UQCRB: variants seen among roughly 807,000 people sequenced by gnomAD.
UQCRB encodes the protein ubiquinol-cytochrome c reductase binding protein.
A neutral mutation model predicts 19.8 loss-of-function variants in UQCRB; 12 were observed. The ratio of observed to expected loss-of-function variants is 0.61; its 90% confidence interval spans 0.39 to 0.98. The LOEUF (loss-of-function observed/expected upper bound fraction) is 0.98. Ranked by LOEUF, UQCRB falls within the 50% of genes least tolerant of loss-of-function variation. The probability of loss-of-function intolerance (pLI) is 0.00; values close to 1 mark genes in which losing one functional copy is unlikely to be tolerated. For synonymous variants in UQCRB, 39 were observed against 42.9 expected, an observed-to-expected ratio of 0.91 and a Z score of 0.35; for missense variants, 142 against 131.8, an observed-to-expected ratio of 1.08 and a Z score of -0.38.
chr8:96,235,276 C>A (rs762373213), intron 1 of UQCRB: 3 of 623,928 alleles, frequency 4.8e-6, no homozygotes, highest in Non-Finnish European at 8.5e-6. Context: ...GCTGTCAGAG[C>A]CACCGCGGGC....
In UQCRB at chr8:96,226,539, G is replaced by A. The variant is rs888811858; in HGVS notation, c.*4516C>T. 2 of 222,980 alleles carry A rather than the reference G, an allele frequency of 9.0e-6. No homozygotes were observed. Among genetic ancestry groups the A allele is most frequent in the African/African-American group, 4.8e-5 (2 of 41,954 alleles). 13.8% of individuals were successfully genotyped at this position (222,980 alleles called of 1,614,324 possible). On this transcript the variant is annotated 3_prime_UTR_variant, in exon 4 of 4. Transcript: ENST00000287022. ...CCACATTTTAAATGCATGCATAAGA[G>A]AAAAATTGTAAGCTGACTCCTTTGT...
Position 96,227,429 on chromosome 8 carries a change from T to G in UQCRB, c.*3626A>C. 1 of 454,092 alleles carries G rather than the reference T, an allele frequency of 2.2e-6. No individual in the cohort carries two copies. Among genetic ancestry groups the G allele is most frequent in the Non-Finnish European group, 4.4e-6 (1 of 226,790 alleles). The allele number at this position is 454,092 out of a possible 1,614,324, so 28.1% of individuals were successfully genotyped here. On this transcript the variant is annotated 3_prime_UTR_variant, in exon 4 of 4. Transcript: ENST00000287022. Reference sequence around the variant, plus strand: ...GGGCATCGCCACCTAGTGGCAGAATTTCATGCCTTGTTCTAATAAAGGGAT... The same window carrying G: ...GGGCATCGCCACCTAGTGGCAGAATGTCATGCCTTGTTCTAATAAAGGGAT...
intron 2 of UQCRB, 95 bp downstream of exon 2, chr8:96,233,061 G>T (rs1586155269): frequency 8.4e-7 from 1 of 1,188,878 alleles, no homozygotes; most frequent in Admixed American, 1.9e-5. Flanking sequence ...TGGAACCACA[G>T]TAACACTTGC....
Position 96,232,981 on chromosome 8 carries a change from G to C in UQCRB, c.91+175C>G, listed in dbSNP as rs903050172. On this transcript the variant is annotated intron_variant, in intron 2 of 3. Transcript: ENST00000287022. Reference sequence around the variant, plus strand: ...TCTTCTCTCAAAAAAACTTTAAAAAGGAACTGGATTTAACATAATGTGATT... The same window carrying C: ...TCTTCTCTCAAAAAAACTTTAAAAACGAACTGGATTTAACATAATGTGATT... 3 of 616,954 alleles carry C rather than the reference G, an allele frequency of 4.9e-6. No individual in the cohort carries two copies. The African/African-American group carries it at 5.6e-5, about 12-fold the overall frequency. 38.2% of individuals were successfully genotyped at this position (616,954 alleles called of 1,614,324 possible).
At position 96,224,860 on chromosome 8, in the gene UQCRB, CA is replaced by C. The variant is rs751368835; in HGVS notation, c.*6194del. Among the ~76,000 whole-genome samples the C allele has an allele frequency of 6.6e-6, 1 of 152,180 alleles. No individual in the cohort carries two copies. Among genetic ancestry groups the C allele is most frequent in the Non-Finnish European group, 1.5e-5 (1 of 68,038 alleles). Reference sequence around the variant, plus strand: ...GAGAGGACTTCTCAAAGCATGACCTCAGAGGCAAAACCACAGAGGAGAGGAC... The same window carrying C: ...GAGAGGACTTCTCAAAGCATGACCTCGAGGCAAAACCACAGAGGAGAGGAC... On this transcript the variant is annotated 3_prime_UTR_variant, in exon 4 of 4. Coordinates refer to ENST00000287022, the MANE Select transcript of UQCRB (RefSeq NM_006294.5).
rs1809632104 is a variant in UQCRB at position 96,230,239 on chromosome 8, C to T, written c.*816G>A. On this transcript the variant is annotated 3_prime_UTR_variant, in exon 4 of 4. Transcript: ENST00000287022. Reference sequence around the variant, plus strand: ...TACAGGTGCCTACCATCACGCCTAGCTAATTTTTTGTATTTTTAGTAGAGA... The same window carrying T: ...TACAGGTGCCTACCATCACGCCTAGTTAATTTTTTGTATTTTTAGTAGAGA... 4 of 428,070 alleles carry T rather than the reference C, an allele frequency of 9.3e-6. No homozygotes were observed. The highest frequency in any genetic ancestry group is 6.6e-5 in the South Asian group (4 of 60,318). 26.5% of individuals were successfully genotyped at this position (428,070 alleles called of 1,614,324 possible).
At chr8:96,233,541 G>A in intron 1 of UQCRB, 1 of 308,660 alleles carries the variant, frequency 3.2e-6, no homozygotes, top group Non-Finnish European at 6.1e-6. Context: ...AGATCCATAG[G>A]TACATCGTGT....
chr8:96,235,539 G>T lies in UQCRB; in HGVS notation c.-9C>A. The stretch of plus-strand genomic sequence containing the variant: ...GCCTGCTTACCAGCCATTTTGACCA[G>T]AAAGAGAAGCGTTGCCTTCTGGGTA... On this transcript the variant is annotated 5_prime_UTR_variant, in exon 1 of 4. It adds an upstream start codon to the 5' untranslated region. Transcript: ENST00000287022. 1 of 1,614,256 alleles carries T rather than the reference G, an allele frequency of 6.2e-7. No individual in the cohort carries two copies.
At position 96,231,884 on chromosome 8, in the gene UQCRB, T is replaced by C. The variant is rs1809685096; in HGVS notation, c.148A>G (p.Arg50Gly). 10 of 1,613,956 alleles carry C rather than the reference T, an allele frequency of 6.2e-6. No individual in the cohort carries two copies. The highest frequency in any genetic ancestry group is 6.8e-6 in the Non-Finnish European group (8 of 1,180,034). The change falls in exon 3 of 4, where the codon AGA becomes GGA. Residue 50 changes from arginine (R) to glycine (G), a missense_variant. By Grantham distance (125) the Arg-to-Gly change is moderately radical. Coordinates refer to ENST00000287022, the MANE Select transcript of UQCRB (RefSeq NM_006294.5). ...EDEDVKEAIR[R>G]LPENLYNDRM... is the part of the protein sequence containing the mutation. ...TCATTATAAAGGTTCTCAGGAAGTC[T>C]TCTTATGGCTTCTTTTACATCTTCA...
chr8:96,225,933 C>T lies in UQCRB; in HGVS notation c.*5122G>A, dbSNP rs1280510431. The T allele has an allele frequency of 6.6e-6, 1 of 152,088 alleles. No individual in the cohort carries two copies. The highest frequency in any genetic ancestry group is 1.5e-5 in the Non-Finnish European group (1 of 68,020). 9.4% of individuals were successfully genotyped at this position (152,088 alleles called of 1,614,324 possible). A position where few individuals can be genotyped will look rare whatever the true frequency, so the allele number is the denominator to read the frequency against. On this transcript the variant is annotated 3_prime_UTR_variant, in exon 4 of 4. Transcript: ENST00000287022. ...TTAGCTGGGAGCAATTCTGCTCCCCCAGGGGAACATTTCCAGACAATGTCT... is the reference window on the plus strand; with the variant it reads ...TTAGCTGGGAGCAATTCTGCTCCCCTAGGGGAACATTTCCAGACAATGTCT...
In UQCRB at chr8:96,227,928, C is replaced by T. The variant is rs1475622807; in HGVS notation, c.*3127G>A. On this transcript the variant is annotated 3_prime_UTR_variant, in exon 4 of 4. Transcript: ENST00000287022. ...CCATCACTAACATTTTGGTACCACTCGTAGAGCGTCACATAAATATTCAGA... is the reference window on the plus strand; with the variant it reads ...CCATCACTAACATTTTGGTACCACTTGTAGAGCGTCACATAAATATTCAGA... 10 of 454,006 alleles carry T rather than the reference C, an allele frequency of 2.2e-5. No individual in the cohort carries two copies. The highest frequency in any genetic ancestry group is 1.6e-4 in the Admixed American group (7 of 42,556). 28.1% of individuals were successfully genotyped at this position (454,006 alleles called of 1,614,324 possible). A position where few individuals can be genotyped will look rare whatever the true frequency, so the allele number is the denominator to read the frequency against.
chr8:96,230,434 CTAG>C lies in UQCRB; in HGVS notation c.*618_*620del, dbSNP rs950936908. Reference sequence around the variant, plus strand: ...CTATAATCTTAAAACTTTTAACTGACTAGTATCCAACCCTTAAACTTCATAACA... The same window carrying C: ...CTATAATCTTAAAACTTTTAACTGACTATCCAACCCTTAAACTTCATAACA... On this transcript the variant is annotated 3_prime_UTR_variant, in exon 4 of 4. Coordinates refer to ENST00000287022, the MANE Select transcript of UQCRB (RefSeq NM_006294.5). 2.2e-5 allele frequency: 10 copies of C among 453,280 alleles called. No individual in the cohort carries two copies. Among genetic ancestry groups the C allele is most frequent in the African/African-American group, 2.0e-4 (10 of 50,054 alleles). The allele number at this position is 453,280 out of a possible 1,614,324, so 28.1% of individuals were successfully genotyped here.
At chr8:96,231,987 CG>C in intron 2 of UQCRB, 47 bp from the exon 3 acceptor site, 3 of 1,602,550 alleles carry the variant, frequency 1.9e-6, no homozygotes, top group Non-Finnish European at 2.6e-6. Context: ...TCAAAAATCG[CG>C]GTTTTTTTAA....
In UQCRB at chr8:96,228,232, T is replaced by C. The variant is rs1348017369; in HGVS notation, c.*2823A>G. 2 of 453,978 alleles carry C rather than the reference T, an allele frequency of 4.4e-6. No individual in the cohort carries two copies. The highest frequency in any genetic ancestry group is 6.9e-5 in the East Asian group (1 of 14,402). 28.1% of individuals were successfully genotyped at this position (453,978 alleles called of 1,614,324 possible). ...CTTCAAGATGTAGGAAAACTGTATA[T>C]TCAAAACCAATCTCAAACTTTAAAC... On this transcript the variant is annotated 3_prime_UTR_variant, in exon 4 of 4. Coordinates refer to ENST00000287022, the MANE Select transcript of UQCRB (RefSeq NM_006294.5).
At position 96,229,785 on chromosome 8, in the gene UQCRB, G is replaced by C. The variant is rs1809616390; in HGVS notation, c.*1270C>G. 4.4e-6 allele frequency: 2 copies of C among 453,672 alleles called. No homozygotes were observed. The highest frequency in any genetic ancestry group is 8.8e-6 in the Non-Finnish European group (2 of 226,708). The allele number at this position is 453,672 out of a possible 1,614,324, so 28.1% of individuals were successfully genotyped here. A position where few individuals can be genotyped will look rare whatever the true frequency, so the allele number is the denominator to read the frequency against. Reference sequence around the variant, plus strand: ...CGAAAGGAAAAAAAAAAGCGGGGGAGGGGGTTCCTAGAGAATTTAAGAGGC... The same window carrying C: ...CGAAAGGAAAAAAAAAAGCGGGGGACGGGGTTCCTAGAGAATTTAAGAGGC... On this transcript the variant is annotated 3_prime_UTR_variant, in exon 4 of 4. Transcript: ENST00000287022.
At position 96,230,409 on chromosome 8, in the gene UQCRB, C is replaced by G. The variant is rs1272450282; in HGVS notation, c.*646G>C. On this transcript the variant is annotated 3_prime_UTR_variant, in exon 4 of 4. Transcript: ENST00000287022. ...CTAATTTATATTTTTAAAAATTACC[C>G]TATAATCTTAAAACTTTTAACTGAC... 4.5e-6 allele frequency: 2 copies of G among 448,050 alleles called. No homozygotes were observed. The highest frequency in any genetic ancestry group is 8.9e-6 in the Non-Finnish European group (2 of 225,172). The allele number at this position is 448,050 out of a possible 1,614,324, so 27.8% of individuals were successfully genotyped here. A position where few individuals can be genotyped will look rare whatever the true frequency, so the allele number is the denominator to read the frequency against.
rs747018908 is a variant in UQCRB at position 96,231,930 on chromosome 8, T to G, written c.102A>C (p.Arg34=). 2 of 1,613,308 alleles carry G rather than the reference T, an allele frequency of 1.2e-6. No individual in the cohort carries two copies. Among genetic ancestry groups the G allele is most frequent in the South Asian group, 2.2e-5 (2 of 91,086 alleles). The change falls in exon 3 of 4, where the codon CGA becomes CGC. Residue 34 remains arginine, a synonymous_variant. Transcript: ENST00000287022. ...AAGFNKLGLM[R]DDTIYEDEDV... Reference sequence around the variant, plus strand: ...CTTCATCCTCGTATATTGTATCATCTCGCATTAACCCTATGATAGATGACA... The same window carrying G: ...CTTCATCCTCGTATATTGTATCATCGCGCATTAACCCTATGATAGATGACA...
rs1447369678 is a variant in UQCRB, at chr8:96,228,965, C to T, written c.*2090G>A. On this transcript the variant is annotated 3_prime_UTR_variant, in exon 4 of 4. Transcript: ENST00000287022. ...TTGATAATAGAAAGGCCCTCTCTTT[C>T]AAATGAAAGGACTTCACTGATGGAT... 4.4e-6 allele frequency: 2 copies of T among 453,970 alleles called. No homozygotes were observed. The highest frequency in any genetic ancestry group is 4.7e-5 in the Admixed American group (2 of 42,552). The allele number at this position is 453,970 out of a possible 1,614,324, so 28.1% of individuals were successfully genotyped here.
At chr8:96,231,993 T>C in intron 2 of UQCRB, 53 bp from the exon 3 acceptor site, 1 of 1,581,010 alleles carries the variant, frequency 6.3e-7, no homozygotes, top group East Asian at 2.2e-5. Flanking sequence ...ATCGCGGTTT[T>C]TTTAAATTAG....
Sources: gnomAD v4.1 joint callset for allele counts (sites outside exome capture counted in the v4.1 genomes callset) on GRCh38, gnomAD v4.1.1 for gene constraint, MANE v1.5 for transcripts, NCBI Gene and HGNC (gene_info 2026-07-23, HGNC 2026-07-21) for gene names.